The following TANGO6 variants were observed in gnomAD, a reference collection of about 807,000 sequenced individuals.
TANGO6 encodes the protein transport and golgi organization 6 homolog, also known as transport and Golgi organization protein 6 homolog.
A neutral mutation model predicts 114.2 loss-of-function variants in TANGO6; 90 were observed. That is an observed-to-expected ratio of 0.79 (90% CI 0.66 to 0.94). TANGO6 has a LOEUF of 0.94. TANGO6 is among the 40% of genes least tolerant of loss of function. The probability of loss-of-function intolerance (pLI) is 0.00; values close to 1 mark genes in which losing one functional copy is unlikely to be tolerated. For synonymous variants in TANGO6, 477 were observed against 509.8 expected (o/e 0.94, Z 0.87); for missense variants, 1,274 against 1,315.3 (o/e 0.97, Z 0.49).
At chr16:69,074,881 C>T (rs1305591942) in intron 17 of TANGO6, among the ~76,000 whole-genome samples, 1 of 148,826 alleles carries the variant, frequency 6.7e-6, no homozygotes, top group Non-Finnish European at 1.5e-5. Context: ...AGAATCTCGC[C>T]CTATTGCCCA....
chr16:68,926,000 C>T (rs184836825), intron 12 of TANGO6, among the ~76,000 whole-genome samples: 91 of 148,890 alleles, frequency 6.1e-4, no homozygotes, highest in African/African-American at 2.2e-3. Context: ...TATTTCTGGC[C>T]TTTCTGTTCT....
In TANGO6 at chr16:69,047,321, C is replaced by T. The variant is rs7193115; in HGVS notation, c.3108+6900C>T. Among the ~76,000 whole-genome samples, 962 of 152,186 alleles carry T rather than the reference C, an allele frequency of 6.3e-3. 7 individuals are homozygous for T. Among genetic ancestry groups the T allele is most frequent in the African/African-American group, 0.023 (938 of 41,536 alleles). ...ACCAGCCTGGCCAACATGGCGAAACCCTATCTCTACTGAAAATACAAAAAT... is the reference window on the plus strand; with the variant it reads ...ACCAGCCTGGCCAACATGGCGAAACTCTATCTCTACTGAAAATACAAAAAT... On this transcript the variant is annotated intron_variant, in intron 17 of 17. Transcript: ENST00000261778.
At chr16:68,968,276 G>C (rs527273947) in intron 14 of TANGO6, among the ~76,000 whole-genome samples, 1 of 152,024 alleles carries the variant, frequency 6.6e-6, no homozygotes, top group South Asian at 2.1e-4. Flanking sequence ...ATATTGGCCA[G>C]GCTGGTCTCA....
At chr16:69,044,483 T>C (rs1239936316) in intron 17 of TANGO6, among the ~76,000 whole-genome samples, 1 of 152,094 alleles carries the variant, frequency 6.6e-6, no homozygotes, top group Non-Finnish European at 1.5e-5. Flanking sequence ...ATGCACACGA[T>C]AAGTTCCATT....
At chr16:69,067,661 G>A (rs1364870249) in intron 17 of TANGO6, among the ~76,000 whole-genome samples, 1 of 151,760 alleles carries the variant, frequency 6.6e-6, no homozygotes, top group Non-Finnish European at 1.5e-5. Context: ...CTACTGGCCG[G>A]GCACAGTGGC....
intron 17 of TANGO6, among the ~76,000 whole-genome samples, chr16:69,049,423 AT>A (rs1047541353): frequency 3.3e-5 from 5 of 150,352 alleles, no homozygotes; most frequent in Non-Finnish European, 5.9e-5. Flanking sequence ...TTCTTTAAAA[AT>A]TTTTTTTCTT....
intron 14 of TANGO6, among the ~76,000 whole-genome samples, chr16:68,972,201 T>A (rs115588791): frequency 1.5e-3 from 223 of 151,984 alleles, no homozygotes; most frequent in African/African-American, 4.8e-3. Context: ...TAGGACCACA[T>A]GCAGAGATTT....
At position 68,974,123 on chromosome 16, in the gene TANGO6, A is replaced by G. The variant is rs772531133; in HGVS notation, c.2797A>G (p.Arg933Gly). The change falls in exon 15 of 18, where the codon AGA becomes GGA. Residue 933 changes from arginine to glycine, a missense_variant. By Grantham distance (125) the Arg-to-Gly change is moderately radical (BLOSUM62 -2). Coordinates refer to ENST00000261778, the MANE Select transcript of TANGO6 (RefSeq NM_024562.2). ...CAAAGACAAGCACACACCAGAGACC[A>G]GAATGAAAGTCGGGGAAGTCCTTAT... Reference protein sequence around the residue: ...SSKDKHTPETRMKVGEVLMRI... With the variant: ...SSKDKHTPETGMKVGEVLMRI... 1.2e-6 allele frequency: 2 copies of G among 1,614,008 alleles called. No homozygotes were observed. Among genetic ancestry groups the G allele is most frequent in the Non-Finnish European group, 8.5e-7 (1 of 1,179,880 alleles).
At chr16:68,892,947 T>C (rs1962647156) in intron 7 of TANGO6, among the ~76,000 whole-genome samples, 1 of 152,350 alleles carries the variant, frequency 6.6e-6, no homozygotes, top group South Asian at 2.1e-4. Flanking sequence ...GTATTTTGTT[T>C]GGGGATCCCT....
intron 17 of TANGO6, among the ~76,000 whole-genome samples, chr16:69,068,583 C>T (rs1960251680): frequency 6.6e-6 from 1 of 152,322 alleles, no homozygotes; most frequent in African/African-American, 2.4e-5. Context: ...GTTAGGCTCT[C>T]TTCCAGGCCT....
intron 14 of TANGO6, among the ~76,000 whole-genome samples, chr16:68,939,567 A>C (rs1350089275): frequency 1.3e-5 from 2 of 149,582 alleles, no homozygotes; most frequent in Non-Finnish European, 3.0e-5. Flanking sequence ...CACTAGGTGT[A>C]CTAAAAGGAA....
chr16:69,067,518 C>CAAAAAAAAAAAAAAAA lies in TANGO6; in HGVS notation c.3109-15963_3109-15948dup, dbSNP rs1199698790. Among the ~76,000 whole-genome samples, 193 of 43,696 alleles carry CAAAAAAAAAAAAAAAA rather than the reference C, an allele frequency of 4.4e-3. 13 individuals carry two copies. The highest frequency in any genetic ancestry group is 0.025 in the Middle Eastern group (1 of 40). 28.7% of individuals were successfully genotyped at this position (43,696 alleles called of 152,430 possible). On this transcript the variant is annotated intron_variant, in intron 17 of 17. Transcript: ENST00000261778. ...AGGCAACAAGAGCAAAACTCCATCTCAAAAAAAAAAAAAAAAAAACGCTGG... is the reference window on the plus strand; with the variant it reads ...AGGCAACAAGAGCAAAACTCCATCTCAAAAAAAAAAAAAAAAAAAAAAAAAAAAAAAAAAACGCTGG...
chr16:69,032,264 T>C (rs541831492), intron 16 of TANGO6, among the ~76,000 whole-genome samples: 1 of 149,944 alleles, frequency 6.7e-6, no homozygotes, highest in African/African-American at 2.5e-5. Flanking sequence ...TTCATTCATT[T>C]ATTCATTCAT....
At chr16:68,906,317 A>G (rs772241537) in intron 9 of TANGO6, among the ~76,000 whole-genome samples, 19 of 152,150 alleles carry the variant, frequency 1.2e-4, no homozygotes, top group Non-Finnish European at 2.5e-4. Context: ...ATCTCGGCTA[A>G]TTGGTTCCTT....
Position 69,040,297 on chromosome 16 carries a change from C to T in TANGO6, c.2995-11C>T. The T allele has an allele frequency of 6.3e-7, 1 of 1,590,594 alleles. No individual in the cohort carries two copies. Among genetic ancestry groups the T allele is most frequent in the Non-Finnish European group, 8.6e-7 (1 of 1,167,658 alleles). ...GATTCTTATCAACTTCATCTTCCTT[C>T]ATCCTCCTAGGTAACAGCTTGCCTG... On this transcript the variant is annotated splice_polypyrimidine_tract_variant and intron_variant, in intron 16 of 17. Coordinates refer to ENST00000261778, the MANE Select transcript of TANGO6 (RefSeq NM_024562.2).
At chr16:69,013,573 C>T (rs563278077) in intron 15 of TANGO6, among the ~76,000 whole-genome samples, 2 of 148,790 alleles carry the variant, frequency 1.3e-5, no homozygotes, top group African/African-American at 5.0e-5. Context: ...GCCGTGATTA[C>T]ACCACTGCAC....
chr16:68,979,621 G>T (rs1036060489), intron 15 of TANGO6, among the ~76,000 whole-genome samples: 2 of 152,046 alleles, frequency 1.3e-5, no homozygotes, highest in South Asian at 4.1e-4. Context: ...ACCCTCAAAA[G>T]TATGATATAT....
chr16:68,882,271 C>A (rs1400079308), intron 7 of TANGO6, among the ~76,000 whole-genome samples: 1 of 151,950 alleles, frequency 6.6e-6, no homozygotes. Context: ...CCGAGGCGGG[C>A]AGATCACGAG....
Position 68,905,823 on chromosome 16 carries a change from C to T in TANGO6, c.1668-1620C>T, listed in dbSNP as rs146875597. Among the ~76,000 whole-genome samples the T allele has an allele frequency of 3.2e-3, 482 of 151,078 alleles. 3 individuals are homozygous for T. Among genetic ancestry groups the T allele is most frequent in the Middle Eastern group, 0.021 (6 of 284 alleles). ...GGGAGGTTGAGGCTGCAGTGAGCCA[C>T]GATCGCACCACTGCACTCCAGCCTA... On this transcript the variant is annotated intron_variant, in intron 9 of 17. Transcript: ENST00000261778.
Sources: allele counts gnomAD v4.1 joint callset (sites outside exome capture counted in the v4.1 genomes callset), GRCh38; gene constraint gnomAD v4.1.1; transcripts MANE v1.5; gene names NCBI Gene and HGNC (gene_info 2026-07-23, HGNC 2026-07-21).